Variants in NTM observed in about 807,000 individuals in gnomAD.
The protein encoded by NTM is IgLON family member 2.
A neutral mutation model predicts 42.1 loss-of-function variants in NTM; 13 were observed. The ratio of observed to expected loss-of-function variants is 0.31; its 90% CI spans 0.20 to 0.49. The LOEUF (loss-of-function observed/expected upper bound fraction) is 0.49. NTM is among the 20% of genes least tolerant of loss of function. The pLI is 0.99. For missense variants in NTM, 373 were observed against 452.8 expected (o/e 0.82, Z 1.60); for synonymous variants, 187 against 179.2 (o/e 1.04, Z -0.35).
intron 1 of NTM, among the ~76,000 whole-genome samples, chr11:131,545,233 T>C (rs1411645069): frequency 1.3e-5 from 2 of 152,196 alleles, no homozygotes; most frequent in African/African-American, 4.8e-5. Context: ...ATAACCAGAA[T>C]GGCTTATCTT....
At chr11:131,561,797 T>C (rs2056270146) in intron 1 of NTM, among the ~76,000 whole-genome samples, 1 of 152,158 alleles carries the variant, frequency 6.6e-6, no homozygotes, top group Admixed American at 6.5e-5. Flanking sequence ...TCATCATCCT[T>C]CTTCTTCACC....
chr11:131,530,857 A>T (rs2051162606), intron 1 of NTM, among the ~76,000 whole-genome samples: 1 of 152,220 alleles, frequency 6.6e-6, no homozygotes, highest in African/African-American at 2.4e-5. Flanking sequence ...TACTTATCAG[A>T]AAAAAATACG....
At chr11:131,839,914 T>C (rs1485173244) in intron 1 of NTM, among the ~76,000 whole-genome samples, 1 of 152,190 alleles carries the variant, frequency 6.6e-6, no homozygotes, top group Non-Finnish European at 1.5e-5. Flanking sequence ...CTTCCAAAAG[T>C]ACTGCAATTT....
intron 3 of NTM, among the ~76,000 whole-genome samples, chr11:132,170,810 C>T (rs568916982): frequency 1.1e-4 from 17 of 152,206 alleles, no homozygotes; most frequent in African/African-American, 2.4e-4. Context: ...ATTTACTAAA[C>T]GCTTATTCTG....
intron 3 of NTM, among the ~76,000 whole-genome samples, chr11:132,165,355 C>CGT (rs2075105333): frequency 6.6e-6 from 1 of 152,134 alleles, no homozygotes; most frequent in African/African-American, 2.4e-5. Context: ...GTCATCTGTT[C>CGT]CTATAGATGC....
intron 2 of NTM, chr11:132,141,073 GT>G (rs1406010707): frequency 6.6e-6 from 1 of 152,254 alleles, no homozygotes; most frequent in Non-Finnish European, 1.5e-5. Context: ...TCAGGCAGGT[GT>G]GTTTAAGAAA....
intron 1 of NTM, among the ~76,000 whole-genome samples, chr11:131,695,792 G>A (rs2075372576): frequency 6.6e-6 from 1 of 152,148 alleles, no homozygotes; most frequent in South Asian, 2.1e-4. Context: ...AACCCCATGG[G>A]TAGGATTATC....
intron 3 of NTM, among the ~76,000 whole-genome samples, chr11:132,170,786 T>G (rs2137831209): frequency 6.6e-6 from 1 of 152,244 alleles, no homozygotes; most frequent in East Asian, 1.9e-4. Context: ...AAAAAATAAA[T>G]AAATTTAACA....
At chr11:131,613,849 G>A (rs1490382645) in intron 1 of NTM, among the ~76,000 whole-genome samples, 3 of 152,130 alleles carry the variant, frequency 2.0e-5, no homozygotes, top group South Asian at 2.1e-4. Flanking sequence ...GGAACACCAC[G>A]TACCTGCCTT....
In NTM at chr11:131,812,214, CTCTCTCTT is replaced by C. The variant is rs1395051212; in HGVS notation, c.83-99349_83-99342del. 2.1e-3 allele frequency among the ~76,000 whole-genome samples: 297 copies of C among 142,762 alleles called. 4 individuals carry two copies. Among genetic ancestry groups the C allele is most frequent in the African/African-American group, 7.9e-3 (280 of 35,420 alleles). The allele number at this position is 142,762 out of a possible 152,430, so 93.7% of individuals were successfully genotyped here. On this transcript the variant is annotated intron_variant, in intron 1 of 8. Coordinates refer to ENST00000683400, the MANE Select transcript of NTM (RefSeq NM_001352005.2). ...TCTCTCTCTCTCTCTCTCTCTCTCT[CTCTCTCTT>C]CCCCTTCCTCCCTCTCATTCTCCCC...
At chr11:131,906,518 C>T (rs565439023) in intron 1 of NTM, among the ~76,000 whole-genome samples, 2 of 152,162 alleles carry the variant, frequency 1.3e-5, no homozygotes, top group South Asian at 4.2e-4. Context: ...TGTTACGAGT[C>T]CAGGGTCTTA....
chr11:131,477,788 C>A (rs1220752589), intron 1 of NTM, among the ~76,000 whole-genome samples: 1 of 151,652 alleles, frequency 6.6e-6, no homozygotes, highest in African/African-American at 2.4e-5. Flanking sequence ...TCAGTCTACT[C>A]CCTGCTCTCC....
chr11:131,653,795 G>A (rs1294009437), intron 1 of NTM, among the ~76,000 whole-genome samples: 3 of 152,226 alleles, frequency 2.0e-5, no homozygotes, highest in Non-Finnish European at 2.9e-5. Flanking sequence ...GTCCTTTGGA[G>A]GAGTGGCTTT....
chr11:131,967,115 G>T (rs1413744117), intron 2 of NTM, among the ~76,000 whole-genome samples: 1 of 152,172 alleles, frequency 6.6e-6, no homozygotes, highest in Admixed American at 6.5e-5. Context: ...GATGAAATGA[G>T]TGTTAGACAT....
intron 1 of NTM, among the ~76,000 whole-genome samples, chr11:131,434,662 T>G (rs1478778054): frequency 6.6e-6 from 1 of 152,216 alleles, no homozygotes; most frequent in Non-Finnish European, 1.5e-5. Context: ...TAAATTTGTT[T>G]AAGTTCTTTG....
chr11:131,425,390 G>A (rs1299267646), intron 1 of NTM, among the ~76,000 whole-genome samples: 1 of 152,082 alleles, frequency 6.6e-6, no homozygotes, highest in African/African-American at 2.4e-5. Context: ...TCAATCAATA[G>A]CAGCTCTTTG....
intron 2 of NTM, among the ~76,000 whole-genome samples, chr11:131,946,358 CTTATT>C (rs1294829190): frequency 6.6e-6 from 1 of 152,160 alleles, no homozygotes; most frequent in Non-Finnish European, 1.5e-5. Flanking sequence ...TTCTGGTACC[CTTATT>C]TTAGAGAGGA....
intron 1 of NTM, among the ~76,000 whole-genome samples, chr11:131,831,089 A>G (rs1358196934): frequency 1.3e-5 from 2 of 152,148 alleles, no homozygotes; most frequent in Non-Finnish European, 2.9e-5. Flanking sequence ...GGTTTTCTAC[A>G]TATGGAATCA....
chr11:132,112,326 T>C (rs532976938), intron 2 of NTM, among the ~76,000 whole-genome samples: 1 of 152,310 alleles, frequency 6.6e-6, no homozygotes, highest in South Asian at 2.1e-4. Flanking sequence ...CTTGCACACA[T>C]GTTTCACAGA....
Sources: allele counts gnomAD v4.1 joint callset (sites outside exome capture counted in the v4.1 genomes callset), GRCh38; gene constraint gnomAD v4.1.1; transcripts MANE v1.5; gene names NCBI Gene and HGNC (gene_info 2026-07-23, HGNC 2026-07-21).